Variants in TENT4B observed in about 807,000 individuals in gnomAD.
The protein encoded by TENT4B is PAP associated domain containing 5.
TENT4B carries 10 observed loss-of-function variants against 75.0 expected under a neutral mutation model. The observed-to-expected ratio is 0.13, with a 90% CI of 0.08 to 0.23. TENT4B has a LOEUF of 0.23. Ranked by LOEUF, TENT4B falls within the 10% of genes least tolerant of loss-of-function variation. TENT4B has a pLI of 1.00. For synonymous variants in TENT4B, 350 were observed against 357.7 expected, an observed-to-expected ratio of 0.98 and a Z score of 0.24; for missense variants, 579 against 893.8, an observed-to-expected ratio of 0.65 and a Z score of 4.49.
At chr16:50,216,287 C>T (rs1482624524) in intron 4 of TENT4B, 92 bp downstream of exon 4, 16 of 1,451,846 alleles carry the variant, frequency 1.1e-5, no homozygotes, top group Middle Eastern at 1.8e-4. Flanking sequence ...AGTTGCATTG[C>T]AAGTGAGTGA....
intron 1 of TENT4B, among the ~76,000 whole-genome samples, chr16:50,203,124 C>T (rs1307326679): frequency 6.6e-6 from 1 of 152,156 alleles, no homozygotes; most frequent in Non-Finnish European, 1.5e-5. Context: ...TATGGCATTC[C>T]TTAGCCATGA....
At chr16:50,178,228 G>A (rs758081761) in intron 1 of TENT4B, among the ~76,000 whole-genome samples, 21 of 151,324 alleles carry the variant, frequency 1.4e-4, no homozygotes, top group Non-Finnish European at 2.8e-4. Context: ...GGCGTAAGTG[G>A]GAGGATCACT....
At position 50,229,189 on chromosome 16, in the gene TENT4B, G is replaced by C. The variant is rs765567809; in HGVS notation, c.2003G>C (p.Gly668Ala). Reference sequence around the variant, plus strand: ...AGGCTCTTTCGTTCTTCCAGCAAAGGCTTCCAAGGTACAACTCAAACAAGC... The same window carrying C: ...AGGCTCTTTCGTTCTTCCAGCAAAGCCTTCCAAGGTACAACTCAAACAAGC... The part of the protein sequence containing the change: ...SARLFRSSSK[G>A]FQGTTQTSHG... Residue 668 changes from glycine to alanine, a missense_variant, in exon 12 of 12, where the codon GGC becomes GCC. Around this residue, in one of 7 missense-constraint regions of TENT4B, gnomAD observed 164 missense variants for 226.5 expected, o/e 0.72. Coordinates refer to ENST00000561678, the MANE Select transcript of TENT4B (RefSeq NM_001365324.3). 6.8e-6 allele frequency: 11 copies of C among 1,613,612 alleles called. No individual in the cohort carries two copies. Among genetic ancestry groups the C allele is most frequent in the Non-Finnish European group, 9.3e-6 (11 of 1,179,808 alleles).
chr16:50,196,167 C>A lies in TENT4B; in HGVS notation c.639-15156C>A, dbSNP rs141265972. Among the ~76,000 whole-genome samples the A allele has an allele frequency of 8.5e-4, 130 of 152,192 alleles. 1 individual carries two copies. In the East Asian group the frequency reaches 0.021, roughly 24 times the overall value. ...TTGATAAGATGAAACAGTACATAGT[C>A]CAGAAAATTTTTATACTCAAAGAAT... is the stretch of plus-strand genomic sequence containing the variant. On this transcript the variant is annotated intron_variant, in intron 1 of 11. Transcript: ENST00000561678.
chr16:50,158,585 T>C (rs2037944787), intron 1 of TENT4B, among the ~76,000 whole-genome samples: 1 of 152,150 alleles, frequency 6.6e-6, no homozygotes, highest in Admixed American at 6.5e-5. Flanking sequence ...ATACAGGGAA[T>C]TTGCAGAACT....
chr16:50,168,617 C>T (rs2038147923), intron 1 of TENT4B, among the ~76,000 whole-genome samples: 1 of 147,956 alleles, frequency 6.8e-6, no homozygotes, highest in African/African-American at 2.5e-5. Flanking sequence ...CCTGGACCTC[C>T]CACATTATTT....
chr16:50,153,511 G>T lies in TENT4B; in HGVS notation c.-111G>T. On this transcript the variant is annotated 5_prime_UTR_variant, in exon 1 of 12. Coordinates refer to ENST00000561678, the MANE Select transcript of TENT4B (RefSeq NM_001365324.3). ...CCGAGCAGCAGCAGCAGCAGCAGCG[G>T]CAGCAGCGGCAGCAGCAGCAGCAGC... 1 of 848,962 alleles carries T rather than the reference G, an allele frequency of 1.2e-6. No individual in the cohort carries two copies. The highest frequency in any genetic ancestry group is 6.1e-4 in the Middle Eastern group (1 of 1,638). 52.6% of individuals were successfully genotyped at this position (848,962 alleles called of 1,614,324 possible).
At chr16:50,162,106 C>A (rs2038013591) in intron 1 of TENT4B, among the ~76,000 whole-genome samples, 1 of 152,098 alleles carries the variant, frequency 6.6e-6, no homozygotes, top group Non-Finnish European at 1.5e-5. Flanking sequence ...TGAGAGCCAT[C>A]CAAATTGCTG....
intron 2 of TENT4B, among the ~76,000 whole-genome samples, chr16:50,212,841 C>T (rs2031357308): frequency 6.6e-6 from 1 of 152,128 alleles, no homozygotes; most frequent in Non-Finnish European, 1.5e-5. Context: ...ACAGTATAGG[C>T]CCTTACAACA....
chr16:50,183,521 CTT>C (rs34736585), intron 1 of TENT4B, among the ~76,000 whole-genome samples: 6,066 of 119,532 alleles, frequency 0.051, 385 homozygotes, highest in African/African-American at 0.16. Flanking sequence ...CTTAAAAACC[CTT>C]TTTTTTTTTT....
chr16:50,194,893 C>T (rs1019798455), intron 1 of TENT4B, among the ~76,000 whole-genome samples: 12 of 151,868 alleles, frequency 7.9e-5, no homozygotes, highest in Non-Finnish European at 1.6e-4. Flanking sequence ...GGACTACAGG[C>T]GCCCGCCACC....
At chr16:50,218,258 A>G (rs1358418993) in intron 5 of TENT4B, among the ~76,000 whole-genome samples, 1 of 152,188 alleles carries the variant, frequency 6.6e-6, no homozygotes, top group African/African-American at 2.4e-5. Flanking sequence ...TTTAACCTTC[A>G]GGAGTTCAGA....
rs11864460 is a variant in TENT4B, at chr16:50,170,597, C to T, written c.638+16338C>T. 3.1e-3 allele frequency among the ~76,000 whole-genome samples: 475 copies of T among 152,296 alleles called. 3 individuals carry two copies. Among genetic ancestry groups the T allele is most frequent in the African/African-American group, 0.011 (462 of 41,572 alleles). Reference sequence around the variant, plus strand: ...CACTCAGCCTCTAGGTCACAGCTACCTTAGGAGTTTGCAGTTGTTCCTGGG... The same window carrying T: ...CACTCAGCCTCTAGGTCACAGCTACTTTAGGAGTTTGCAGTTGTTCCTGGG... On this transcript the variant is annotated intron_variant, in intron 1 of 11. Transcript: ENST00000561678.
At chr16:50,168,168 A>G (rs1385405558) in intron 1 of TENT4B, among the ~76,000 whole-genome samples, 1 of 149,596 alleles carries the variant, frequency 6.7e-6, no homozygotes, top group Non-Finnish European at 1.5e-5. Context: ...GTATTTACTG[A>G]CAATTTGCAT....
At chr16:50,206,670 C>G (rs889160139) in intron 1 of TENT4B, among the ~76,000 whole-genome samples, 1 of 152,028 alleles carries the variant, frequency 6.6e-6, no homozygotes, top group Admixed American at 6.6e-5. Context: ...TCATCTGCCT[C>G]CCTTGGCCTA....
intron 10 of TENT4B, among the ~76,000 whole-genome samples, chr16:50,226,780 G>A (rs2032076056): frequency 1.3e-5 from 2 of 152,230 alleles, no homozygotes; most frequent in East Asian, 3.9e-4. Flanking sequence ...CAATTCAGTG[G>A]TTTTTAGAAC....
At chr16:50,206,322 A>G (rs1319321849) in intron 1 of TENT4B, among the ~76,000 whole-genome samples, 1 of 150,928 alleles carries the variant, frequency 6.6e-6, no homozygotes, top group East Asian at 1.9e-4. Context: ...ATTGGATATC[A>G]TGAACCTTAA....
intron 1 of TENT4B, among the ~76,000 whole-genome samples, chr16:50,178,462 A>T (rs1390919812): frequency 6.6e-6 from 1 of 152,014 alleles, no homozygotes; most frequent in Admixed American, 6.6e-5. Context: ...AAGAAAAAAA[A>T]AGTTGATGAC....
chr16:50,227,880 T>A lies in TENT4B; in HGVS notation c.1842T>A (p.Leu614=). ...ATPCKTPKQL[L]CRPSTGNRVG... Reference sequence around the variant, plus strand: ...CATGCAAAACCCCGAAACAGCTGCTTTGCCGTCCGTCCACTGGGAACCGAG... The same window carrying A: ...CATGCAAAACCCCGAAACAGCTGCTATGCCGTCCGTCCACTGGGAACCGAG... The change falls in exon 11 of 12, where the codon CTT becomes CTA. Residue 614 remains leucine, a synonymous_variant. Coordinates refer to ENST00000561678, the MANE Select transcript of TENT4B (RefSeq NM_001365324.3). The A allele has an allele frequency of 6.2e-7, 1 of 1,614,032 alleles. No homozygotes were observed. The highest frequency in any genetic ancestry group is 8.5e-7 in the Non-Finnish European group (1 of 1,179,898).
Sources: gnomAD v4.1 joint callset for allele counts (sites outside exome capture counted in the v4.1 genomes callset) on GRCh38, gnomAD v4.1.1 for gene constraint, gnomAD v4.1.1 regional missense constraint, MANE v1.5 for transcripts, NCBI Gene and HGNC (gene_info 2026-07-23, HGNC 2026-07-21) for gene names.